PTPRN2: variants seen among roughly 807,000 people sequenced by gnomAD.
The protein encoded by PTPRN2 is receptor-type tyrosine-protein phosphatase N2.
PTPRN2 carries 74 observed loss-of-function variants against 118.8 expected under a neutral mutation model. That is an observed-to-expected ratio of 0.62 (90% CI 0.52 to 0.76). PTPRN2 has a LOEUF of 0.76. Among genes scored for constraint, PTPRN2 ranks in the 30% least tolerant of loss-of-function variants. The pLI is 0.00. For missense variants in PTPRN2, 1,481 were observed against 1,394.4 expected (o/e 1.06, Z -0.99); for synonymous variants, 641 against 608.0 (o/e 1.05, Z -0.80).
At chr7:157,976,024 C>T (rs1331946131) in intron 11 of PTPRN2, among the ~76,000 whole-genome samples, 3 of 152,222 alleles carry the variant, frequency 2.0e-5, no homozygotes, top group East Asian at 1.9e-4. Flanking sequence ...AGCTGGGCAG[C>T]AGCCCAGCAC....
rs1331927087 is a variant in PTPRN2, at chr7:157,562,857, G to A, written c.2902+6045C>T. Among the ~76,000 whole-genome samples the A allele has an allele frequency of 1.7e-4, 23 of 133,566 alleles. 1 individual carries two copies. Among genetic ancestry groups the A allele is most frequent in the African/African-American group, 5.8e-4 (20 of 34,294 alleles). The allele number at this position is 133,566 out of a possible 152,430, so 87.6% of individuals were successfully genotyped here. ...ACCACACGCAGCAGATCAGGACCAC[G>A]TGCTCCCATGTCACCACACGCAGAT... On this transcript the variant is annotated intron_variant, in intron 21 of 22. Coordinates refer to ENST00000389418, the MANE Select transcript of PTPRN2 (RefSeq NM_002847.5).
intron 2 of PTPRN2, among the ~76,000 whole-genome samples, chr7:158,480,985 G>C (rs1820602723): frequency 6.6e-6 from 1 of 152,240 alleles, no homozygotes; most frequent in Non-Finnish European, 1.5e-5. Context: ...CAGTGACGAA[G>C]GTGGCTGCTC....
chr7:157,636,965 T>C (rs1804358739), intron 14 of PTPRN2, among the ~76,000 whole-genome samples: 1 of 152,236 alleles, frequency 6.6e-6, no homozygotes, highest in Non-Finnish European at 1.5e-5. Context: ...AATCGGAATA[T>C]TATAACCAGA....
At position 157,845,376 on chromosome 7, in the gene PTPRN2, C is replaced by T. The variant is rs148807407; in HGVS notation, c.1788+53297G>A. On this transcript the variant is annotated intron_variant, in intron 12 of 22. Coordinates refer to ENST00000389418, the MANE Select transcript of PTPRN2 (RefSeq NM_002847.5). This position sits in a 1 kb window ranked among gnomAD's most constrained non-coding sequence, Gnocchi z 4.5. Reference sequence around the variant, plus strand: ...GCCTAACTCACCATGTTCCCGGCCACGCCACAGTGAATCACGCAGCCTAAC... The same window carrying T: ...GCCTAACTCACCATGTTCCCGGCCATGCCACAGTGAATCACGCAGCCTAAC... 2.6e-5 allele frequency among the ~76,000 whole-genome samples: 4 copies of T among 152,050 alleles called. No individual in the cohort carries two copies. Among genetic ancestry groups the T allele is most frequent in the Middle Eastern group, 3.4e-3 (1 of 294 alleles).
At chr7:157,703,341 G>C (rs933549708) in intron 12 of PTPRN2, among the ~76,000 whole-genome samples, 5 of 152,312 alleles carry the variant, frequency 3.3e-5, no homozygotes, top group African/African-American at 1.2e-4. Flanking sequence ...GGGAAACCTG[G>C]TGGACAGGGC....
At chr7:158,461,306 T>C (rs1396096460) in intron 2 of PTPRN2, among the ~76,000 whole-genome samples, 1 of 152,070 alleles carries the variant, frequency 6.6e-6, no homozygotes, top group African/African-American at 2.4e-5. Flanking sequence ...CCATCCTGGC[T>C]AACACAGTGA....
intron 12 of PTPRN2, 145 bp downstream of exon 12, chr7:157,898,528 T>C: frequency 1.2e-6 from 1 of 816,058 alleles, no homozygotes; most frequent in Non-Finnish European, 2.0e-6. Context: ...CAGAGGATGC[T>C]CCTGCTGCAG....
chr7:158,169,018 A>T (rs1057098910), intron 5 of PTPRN2, among the ~76,000 whole-genome samples: 1 of 152,052 alleles, frequency 6.6e-6, no homozygotes, highest in Non-Finnish European at 1.5e-5. Context: ...ATCCGTTCAT[A>T]TTTTCTACTT....
intron 11 of PTPRN2, among the ~76,000 whole-genome samples, chr7:158,016,171 G>A (rs577077070): frequency 6.6e-6 from 1 of 152,356 alleles, no homozygotes; most frequent in Admixed American, 6.5e-5. Context: ...GGAGCCCCCT[G>A]ATGATTCCGA....
chr7:158,299,887 G>A lies in PTPRN2; in HGVS notation c.277+16932C>T, dbSNP rs905113563. On this transcript the variant is annotated intron_variant, in intron 3 of 22. Transcript: ENST00000389418. ...CAAAATGAGCACCTTGGTCTGGGAG[G>A]AGAACGTCCCTGAAAGGCCCTTGGA... 5.3e-5 allele frequency among the ~76,000 whole-genome samples: 8 copies of A among 152,278 alleles called. No homozygotes were observed. In the South Asian group the frequency reaches 6.2e-4, roughly 12 times the overall value.
intron 3 of PTPRN2, among the ~76,000 whole-genome samples, chr7:158,256,084 C>T (rs1797002871): frequency 6.6e-6 from 1 of 152,192 alleles, no homozygotes; most frequent in African/African-American, 2.4e-5. Flanking sequence ...TCTGTCTCAT[C>T]CAGGGATGTC....
intron 11 of PTPRN2, among the ~76,000 whole-genome samples, chr7:158,045,478 GCAAGA>G (rs1320788621): frequency 6.6e-6 from 1 of 152,166 alleles, no homozygotes; most frequent in African/African-American, 2.4e-5. Context: ...CACATCCATA[GCAAGA>G]CATGAGAAAC....
intron 5 of PTPRN2, among the ~76,000 whole-genome samples, chr7:158,171,326 T>TAC (rs1563555833): frequency 7.8e-5 from 10 of 127,448 alleles, no homozygotes; most frequent in Non-Finnish European, 8.0e-5. Flanking sequence ...TATATATATA[T>TAC]ATATATATAT....
chr7:158,262,480 G>A (rs879771797), intron 3 of PTPRN2, among the ~76,000 whole-genome samples: 76 of 117,306 alleles, frequency 6.5e-4, no homozygotes, highest in South Asian at 1.5e-3. Flanking sequence ...AAACATTCAC[G>A]CTGCACACAC....
intron 11 of PTPRN2, among the ~76,000 whole-genome samples, chr7:157,995,594 A>G (rs981442326): frequency 1.3e-5 from 2 of 152,244 alleles, no homozygotes; most frequent in African/African-American, 2.4e-5. Flanking sequence ...GCAGTCTTAG[A>G]GTAGGATGGG....
At chr7:158,302,858 T>G (rs750461980) in intron 3 of PTPRN2, among the ~76,000 whole-genome samples, 1 of 152,162 alleles carries the variant, frequency 6.6e-6, no homozygotes, top group African/African-American at 2.4e-5. Flanking sequence ...TACTCTTTTA[T>G]GAGAGAACTT....
intron 9 of PTPRN2, among the ~76,000 whole-genome samples, chr7:158,124,817 G>C (rs1036120304): frequency 6.6e-6 from 1 of 152,226 alleles, no homozygotes; most frequent in African/African-American, 2.4e-5. Context: ...CTCAGGACCA[G>C]TGGAGTCACA....
At chr7:157,871,304 C>A (rs147511061) in intron 12 of PTPRN2, among the ~76,000 whole-genome samples, 1 of 152,290 alleles carries the variant, frequency 6.6e-6, no homozygotes, top group East Asian at 1.9e-4. Flanking sequence ...TGGGGTGAAC[C>A]AGCAACCTGT....
intron 19 of PTPRN2, 85 bp downstream of exon 19, chr7:157,576,527 AG>A (rs1288434469): frequency 2.2e-5 from 29 of 1,331,282 alleles, no homozygotes; most frequent in Non-Finnish European, 2.7e-5. Flanking sequence ...CCTCGGCGCC[AG>A]GGGCGTCTCA....
Sources: gnomAD v4.1 joint callset for allele counts (sites outside exome capture counted in the v4.1 genomes callset) on GRCh38, gnomAD v4.1.1 for gene constraint, Gnocchi (gnomAD v3.1) non-coding constraint, MANE v1.5 for transcripts, NCBI Gene and HGNC (gene_info 2026-07-23, HGNC 2026-07-21) for gene names.